Variants in LRPPRC observed in about 807,000 individuals in gnomAD.
The protein encoded by LRPPRC is leucine-rich PPR motif-containing protein, mitochondrial.
LRPPRC carries 120 observed loss-of-function variants against 180.3 expected under a neutral mutation model. The ratio of observed to expected loss-of-function variants is 0.67; its 90% confidence interval spans 0.57 to 0.77. The LOEUF is 0.77. LRPPRC is among the 30% of genes least tolerant of loss of function. The pLI is 0.00. For synonymous variants in LRPPRC, 723 were observed against 600.0 expected, an observed-to-expected ratio of 1.21 and a Z score of -3.00; for missense variants, 2,012 against 1,657.2, an observed-to-expected ratio of 1.21 and a Z score of -3.72.
intron 27 of LRPPRC, 64 bp downstream of exon 27, chr2:43,925,003 C>A: frequency 2.1e-6 from 2 of 971,900 alleles, no homozygotes; most frequent in South Asian, 1.3e-5. Flanking sequence ...AAACCAAATA[C>A]TCCTTTCCTG....
rs947601190 is a variant in LRPPRC, at chr2:43,950,574, T to C, written c.1676A>G (p.Glu559Gly). The C allele has an allele frequency of 3.3e-5, 54 of 1,613,352 alleles. No individual in the cohort carries two copies. The Admixed American group carries it at 8.7e-4, about 26-fold the overall frequency. The stretch of plus-strand genomic sequence containing the variant: ...ATTTGCAATATTAGAGGGACTTACC[T>C]CGCTCCAAAGATTTATATTCATAGA... ...RRSMNINLWS[E>G]ITELLYKDGR... is the part of the protein sequence containing the mutation. Residue 559 changes from glutamate to glycine, a missense_variant and splice_region_variant, in exon 15 of 38, where the codon GAG becomes GGG. Coordinates refer to ENST00000260665, the MANE Select transcript of LRPPRC (RefSeq NM_133259.4).
At chr2:43,911,204 G>T (rs535936415) in intron 30 of LRPPRC, among the ~76,000 whole-genome samples, 1 of 151,086 alleles carries the variant, frequency 6.6e-6, no homozygotes, top group East Asian at 1.9e-4. Context: ...ACACACAAAT[G>T]ACACACAGAG....
intron 34 of LRPPRC, among the ~76,000 whole-genome samples, chr2:43,897,820 T>C (rs902958356): frequency 1.3e-5 from 2 of 152,156 alleles, no homozygotes; most frequent in African/African-American, 4.8e-5. Context: ...GAGAACAAGC[T>C]AGTAGATGAA....
chr2:43,967,387 T>C (rs17578744), intron 11 of LRPPRC, among the ~76,000 whole-genome samples: 3,099 of 92,880 alleles, frequency 0.033, 269 homozygotes, highest in East Asian at 0.21. Flanking sequence ...TATAGATAGA[T>C]GATCGATTGA....
At chr2:43,989,834 A>ACTT (rs929117234) in intron 1 of LRPPRC, among the ~76,000 whole-genome samples, 3 of 152,194 alleles carry the variant, frequency 2.0e-5, no homozygotes, top group Admixed American at 2.0e-4. Flanking sequence ...AATAAATTAT[A>ACTT]CTTCTAACCC....
At chr2:43,992,830 T>C (rs1459581963) in intron 1 of LRPPRC, among the ~76,000 whole-genome samples, 1 of 152,164 alleles carries the variant, frequency 6.6e-6, no homozygotes, top group Non-Finnish European at 1.5e-5. Context: ...TTGAGCTGTG[T>C]TGGCTCTGAA....
Position 43,934,871 on chromosome 2 carries a change from G to C in LRPPRC, c.2512C>G (p.Leu838Val). The C allele has an allele frequency of 6.2e-7, 1 of 1,612,844 alleles. No individual in the cohort carries two copies. The highest frequency in any genetic ancestry group is 8.5e-7 in the Non-Finnish European group (1 of 1,179,218). Residue 838 changes from leucine to valine, a missense_variant, in exon 24 of 38, where the codon CTA (leucine) becomes GTA (valine). Physicochemically the swap from Leu to Val is conservative, Grantham distance 32. Transcript: ENST00000260665. ...LVTVHLEKGD[L>V]STALEVAIDC... The stretch of plus-strand genomic sequence containing the variant: ...ATGGCGACCTCAAGAGCAGTAGATA[G>C]GTCGCCCCTTAGAAACAAAAAAATT...
Position 43,948,530 on chromosome 2 carries a change from A to C in LRPPRC, c.1736-12T>G. Reference sequence around the variant, plus strand: ...ATAGCCAACAGCTTCTGTGGAAAAAAACAAGAGAAAGCATTCCACTAAAAT... The same window carrying C: ...ATAGCCAACAGCTTCTGTGGAAAAACACAAGAGAAAGCATTCCACTAAAAT... On this transcript the variant is annotated splice_polypyrimidine_tract_variant and intron_variant, in intron 16 of 37. Transcript: ENST00000260665. 7.7e-7 allele frequency: 1 copy of C among 1,306,294 alleles called. No individual in the cohort carries two copies. The highest frequency in any genetic ancestry group is 1.8e-4 in the Middle Eastern group (1 of 5,492). 80.9% of individuals were successfully genotyped at this position (1,306,294 alleles called of 1,614,324 possible).
intron 36 of LRPPRC, 27 bp from the exon 37 acceptor site, chr2:43,889,903 T>G (rs768682387): frequency 1.9e-6 from 3 of 1,563,342 alleles, no homozygotes; most frequent in Non-Finnish European, 2.6e-6. Context: ...AATATATTAA[T>G]CAGAGATAAA....
chr2:43,959,169 C>T (rs1186618151), intron 13 of LRPPRC: 1 of 715,144 alleles, frequency 1.4e-6, no homozygotes, highest in Non-Finnish European at 2.6e-6. Flanking sequence ...CCTCGTGAGC[C>T]CAGATTCCTC....
In LRPPRC at chr2:43,952,326, C is replaced by T. The variant is rs41457846; in HGVS notation, c.1650-1726G>A. ...CAACTGAAAATGACTAAAAGCACTA[C>T]CTTGAATGTGAAGCTTCATGGTGAA... On this transcript the variant is annotated intron_variant, in intron 14 of 37. Coordinates refer to ENST00000260665, the MANE Select transcript of LRPPRC (RefSeq NM_133259.4). Among the ~76,000 whole-genome samples, 943 of 152,232 alleles carry T rather than the reference C, an allele frequency of 6.2e-3. 19 individuals are homozygous for T. Among genetic ancestry groups the T allele is most frequent in the African/African-American group, 0.022 (902 of 41,540 alleles).
At chr2:43,969,698 T>C (rs751473480) in intron 11 of LRPPRC, among the ~76,000 whole-genome samples, 3 of 152,146 alleles carry the variant, frequency 2.0e-5, no homozygotes, top group Non-Finnish European at 4.4e-5. Context: ...TTGTTTTTGA[T>C]TTTTTTGTTT....
At position 43,896,741 on chromosome 2, in the gene LRPPRC, G is replaced by T. The variant is rs780388348; in HGVS notation, c.3826-33C>A. ...TTAAAACATTATTCAGTAAGTGAAGGTTTCTGATAAACAAGTGGATCAAAC... is the reference window on the plus strand; with the variant it reads ...TTAAAACATTATTCAGTAAGTGAAGTTTTCTGATAAACAAGTGGATCAAAC... On this transcript the variant is annotated intron_variant, in intron 34 of 37. Transcript: ENST00000260665. The T allele has an allele frequency of 6.3e-6, 8 of 1,265,600 alleles. No homozygotes were observed. The East Asian group carries it at 1.9e-4, about 29-fold the overall frequency. 78.4% of individuals were successfully genotyped at this position (1,265,600 alleles called of 1,614,324 possible).
At chr2:43,967,010 C>T (rs1256472814) in intron 11 of LRPPRC, among the ~76,000 whole-genome samples, 1 of 152,236 alleles carries the variant, frequency 6.6e-6, no homozygotes, top group South Asian at 2.1e-4. Flanking sequence ...GAGATCACCC[C>T]ACTGCACTCC....
intron 36 of LRPPRC, among the ~76,000 whole-genome samples, chr2:43,891,626 A>C (rs1670495952): frequency 6.6e-6 from 1 of 152,206 alleles, no homozygotes; most frequent in Non-Finnish European, 1.5e-5. Flanking sequence ...TGCGATGCTG[A>C]CTAGTAATTC....
At chr2:43,966,965 T>C (rs1572557088) in intron 11 of LRPPRC, among the ~76,000 whole-genome samples, 1 of 152,002 alleles carries the variant, frequency 6.6e-6, no homozygotes, top group Admixed American at 6.5e-5. Context: ...GAAGGAGAAC[T>C]GCTTGAACCC....
intron 13 of LRPPRC, among the ~76,000 whole-genome samples, chr2:43,959,687 T>C (rs1203217358): frequency 1.3e-5 from 2 of 151,998 alleles, no homozygotes; most frequent in African/African-American, 4.8e-5. Flanking sequence ...GGCGGATCAC[T>C]TGTGGTCAGG....
chr2:43,974,231 TA>T lies in LRPPRC; in HGVS notation c.1073del (p.Leu358TyrfsTer2). Reference protein sequence around the residue: ...EKLEDVALQILLACPVSKEDG... With the variant: ...EKLEDVALQIXLACPVSKEDG... Reference sequence around the variant, plus strand: ...CTTCCTTTGATACGGGGCATGCTAGTAAAATTTGCAACGCTACATCTTCCAA... The same window carrying T: ...CTTCCTTTGATACGGGGCATGCTAGTAAATTTGCAACGCTACATCTTCCAA... On this transcript the variant is annotated frameshift_variant, in exon 9 of 38. Transcript: ENST00000260665. LOFTEE classifies it high-confidence loss of function. 1 of 1,611,166 alleles carries T rather than the reference TA, an allele frequency of 6.2e-7. No homozygotes were observed. The highest frequency in any genetic ancestry group is 8.5e-7 in the Non-Finnish European group (1 of 1,177,318).
At chr2:43,986,697 GGT>G (rs1674540952) in intron 1 of LRPPRC, among the ~76,000 whole-genome samples, 1 of 97,588 alleles carries the variant, frequency 1.0e-5, no homozygotes, top group African/African-American at 5.7e-5. Flanking sequence ...GCACTCAGAC[GGT>G]CTCATTCTGA....
Sources: gnomAD v4.1 joint callset for allele counts (sites outside exome capture counted in the v4.1 genomes callset) on GRCh38, gnomAD v4.1.1 for gene constraint, MANE v1.5 for transcripts, NCBI Gene and HGNC (gene_info 2026-07-23, HGNC 2026-07-21) for gene names.